Variants in SLC9A9 observed in about 807,000 individuals in gnomAD.
SLC9A9 encodes the protein solute carrier family 9 member A9.
SLC9A9 carries 62 observed loss-of-function variants against 77.8 expected under a neutral mutation model. That is an observed-to-expected ratio of 0.80 (90% CI 0.65 to 0.98). The LOEUF is 0.98. SLC9A9 is among the 50% of genes least tolerant of loss of function. The pLI is 0.00. For synonymous variants in SLC9A9, 320 were observed against 283.5 expected (o/e 1.13, Z -1.29); for missense variants, 775 against 774.9 (o/e 1.00, Z 0.00).
intron 5 of SLC9A9, among the ~76,000 whole-genome samples, chr3:143,678,196 G>T (rs1448122820): frequency 6.6e-6 from 1 of 152,110 alleles, no homozygotes; most frequent in African/African-American, 2.4e-5. Context: ...TGTTCTTTGT[G>T]TATTAAAAAT....
intron 4 of SLC9A9, among the ~76,000 whole-genome samples, chr3:143,761,380 G>A (rs1382933857): frequency 6.6e-6 from 1 of 152,114 alleles, no homozygotes; most frequent in Non-Finnish European, 1.5e-5. Context: ...CACAGCAAAA[G>A]AAACTATCAT....
intron 6 of SLC9A9, among the ~76,000 whole-genome samples, chr3:143,633,214 T>G (rs2038456765): frequency 6.6e-6 from 1 of 152,174 alleles, no homozygotes; most frequent in Non-Finnish European, 1.5e-5. Context: ...ATCTATCAGG[T>G]GAGCAGGGAG....
At chr3:143,666,603 A>C (rs1170702982) in intron 5 of SLC9A9, among the ~76,000 whole-genome samples, 1 of 151,876 alleles carries the variant, frequency 6.6e-6, no homozygotes, top group Non-Finnish European at 1.5e-5. Flanking sequence ...CTCAGCATAA[A>C]ATCTCCTTAA....
chr3:143,546,021 A>T (rs920427129), intron 9 of SLC9A9, among the ~76,000 whole-genome samples: 1 of 152,226 alleles, frequency 6.6e-6, no homozygotes, highest in African/African-American at 2.4e-5. Context: ...CATTTTACAG[A>T]TGGAAAAAGT....
intron 8 of SLC9A9, among the ~76,000 whole-genome samples, chr3:143,558,308 CT>C (rs2037023139): frequency 6.6e-6 from 1 of 152,236 alleles, no homozygotes; most frequent in Non-Finnish European, 1.5e-5. Flanking sequence ...CCCACACAGT[CT>C]CCACTAGGGC....
At chr3:143,575,347 T>A (rs2108659546) in intron 7 of SLC9A9, among the ~76,000 whole-genome samples, 1 of 152,300 alleles carries the variant, frequency 6.6e-6, no homozygotes, top group Admixed American at 6.5e-5. Flanking sequence ...TGGACACATC[T>A]CTTGACCACT....
At chr3:143,836,395 C>CT (rs1385284235) in intron 1 of SLC9A9, among the ~76,000 whole-genome samples, 3 of 152,222 alleles carry the variant, frequency 2.0e-5, no homozygotes, top group Non-Finnish European at 4.4e-5. Context: ...TGTAGCCCAA[C>CT]TTTCTCCAAG....
At chr3:143,368,576 A>T (rs1252328062) in intron 13 of SLC9A9, among the ~76,000 whole-genome samples, 2 of 152,176 alleles carry the variant, frequency 1.3e-5, no homozygotes, top group African/African-American at 2.4e-5. Flanking sequence ...TTCATATTCA[A>T]TATTAATGTC....
At chr3:143,519,273 G>T (rs923238110) in intron 9 of SLC9A9, among the ~76,000 whole-genome samples, 1 of 152,154 alleles carries the variant, frequency 6.6e-6, no homozygotes, top group African/African-American at 2.4e-5. Context: ...TACAACAAAG[G>T]TATCACTGAA....
At chr3:143,444,891 G>A (rs1308910713) in intron 12 of SLC9A9, among the ~76,000 whole-genome samples, 1 of 152,174 alleles carries the variant, frequency 6.6e-6, no homozygotes, top group Non-Finnish European at 1.5e-5. Flanking sequence ...GGCCCATGTG[G>A]GCATTTGTGA....
chr3:143,697,424 G>A (rs1307606654), intron 4 of SLC9A9, among the ~76,000 whole-genome samples: 1 of 152,040 alleles, frequency 6.6e-6, no homozygotes, highest in African/African-American at 2.4e-5. Flanking sequence ...AAAGAACAAT[G>A]TACATTAGTG....
At chr3:143,352,104 C>T (rs2032470110) in intron 14 of SLC9A9, among the ~76,000 whole-genome samples, 1 of 152,184 alleles carries the variant, frequency 6.6e-6, no homozygotes, top group Non-Finnish European at 1.5e-5. Context: ...TGGTCAGCCA[C>T]CCCTCATGAC....
At chr3:143,413,039 C>T (rs563655726) in intron 12 of SLC9A9, among the ~76,000 whole-genome samples, 24 of 152,292 alleles carry the variant, frequency 1.6e-4, no homozygotes, top group Admixed American at 4.6e-4. Context: ...TTACAGAAAA[C>T]GCCTCTGAAT....
chr3:143,347,033 C>T (rs957434234), intron 14 of SLC9A9: 9 of 152,242 alleles, frequency 5.9e-5, no homozygotes, highest in Admixed American at 3.3e-4. Context: ...TCTATTTTCT[C>T]CTCACCATGT....
At chr3:143,406,216 A>T (rs1287775476) in intron 12 of SLC9A9, among the ~76,000 whole-genome samples, 1 of 152,162 alleles carries the variant, frequency 6.6e-6, no homozygotes, top group African/African-American at 2.4e-5. Context: ...ATATTTTATG[A>T]CTTTTTAAAT....
At chr3:143,309,923 C>G (rs889599003) in intron 14 of SLC9A9, among the ~76,000 whole-genome samples, 1 of 152,210 alleles carries the variant, frequency 6.6e-6, no homozygotes, top group Admixed American at 6.5e-5. Flanking sequence ...AAACCACCCT[C>G]GTCTATGTTG....
chr3:143,458,066 C>G (rs1379955032), intron 12 of SLC9A9, among the ~76,000 whole-genome samples: 1 of 152,156 alleles, frequency 6.6e-6, no homozygotes, highest in Admixed American at 6.5e-5. Flanking sequence ...ATTTGTCTCT[C>G]TTCCCTTTCA....
intron 12 of SLC9A9, among the ~76,000 whole-genome samples, chr3:143,395,752 G>GA (rs1559897058): frequency 1.3e-5 from 2 of 151,892 alleles, no homozygotes; most frequent in African/African-American, 4.8e-5. Context: ...AAATTTACAA[G>GA]AAAAAAACAA....
At chr3:143,594,331 A>C (rs952061837) in intron 6 of SLC9A9, among the ~76,000 whole-genome samples, 1 of 152,204 alleles carries the variant, frequency 6.6e-6, no homozygotes, top group Non-Finnish European at 1.5e-5. Flanking sequence ...TGTGCTTTCT[A>C]CATTGCAATG....
Sources: allele counts gnomAD v4.1 joint callset (sites outside exome capture counted in the v4.1 genomes callset), GRCh38; gene constraint gnomAD v4.1.1; transcripts MANE v1.5; gene names NCBI Gene and HGNC (gene_info 2026-07-23, HGNC 2026-07-21).